Variants in MACROD2 observed in about 807,000 individuals in gnomAD.
MACROD2 encodes ADP-ribose glycohydrolase MACROD2.
MACROD2 carries 36 observed loss-of-function variants against 70.4 expected under a neutral mutation model. That is an observed-to-expected ratio of 0.51 (90% CI 0.39 to 0.68). The LOEUF is 0.68. MACROD2 is among the 30% of genes least tolerant of loss of function. MACROD2 has a pLI of 0.00. For synonymous variants in MACROD2, 172 were observed against 178.8 expected, an observed-to-expected ratio of 0.96 and a Z score of 0.30; for missense variants, 496 against 538.4, an observed-to-expected ratio of 0.92 and a Z score of 0.78.
At chr20:14,814,118 A>G (rs2072746606) in intron 5 of MACROD2, among the ~76,000 whole-genome samples, 1 of 152,156 alleles carries the variant, frequency 6.6e-6, no homozygotes, top group African/African-American at 2.4e-5. Flanking sequence ...CTGCAGCCAC[A>G]GCAACTTTGT....
intron 3 of MACROD2, among the ~76,000 whole-genome samples, chr20:14,243,411 A>G (rs11698300): frequency 0.2 from 30,722 of 152,130 alleles, 3,388 homozygotes; most frequent in South Asian, 0.32. Context: ...GGTTAATTTG[A>G]TTGAAAATAT....
intron 8 of MACROD2, among the ~76,000 whole-genome samples, chr20:15,755,116 C>T (rs2051329503): frequency 6.6e-6 from 1 of 152,148 alleles, no homozygotes; most frequent in Non-Finnish European, 1.5e-5. Flanking sequence ...GCATCGGCCT[C>T]CCAAAGTGCT....
chr20:14,838,397 G>A (rs1475825854), intron 5 of MACROD2, among the ~76,000 whole-genome samples: 1 of 152,068 alleles, frequency 6.6e-6, no homozygotes, highest in African/African-American at 2.4e-5. Context: ...TTGAAAGTCA[G>A]ACTAATCTGA....
intron 7 of MACROD2, among the ~76,000 whole-genome samples, chr20:15,466,969 A>C (rs530108712): frequency 6.6e-6 from 1 of 152,322 alleles, no homozygotes; most frequent in South Asian, 2.1e-4. Context: ...TTGCAAATGC[A>C]CTGGGTGCTG....
At chr20:14,127,255 C>T (rs1255325307) in intron 3 of MACROD2, 2 of 229,464 alleles carry the variant, frequency 8.7e-6, no homozygotes, top group African/African-American at 4.5e-5. Flanking sequence ...ATGCCATAGC[C>T]TAATTGTAAG....
At chr20:14,535,950 A>T (rs2085358849) in intron 4 of MACROD2, among the ~76,000 whole-genome samples, 1 of 152,196 alleles carries the variant, frequency 6.6e-6, no homozygotes, top group Non-Finnish European at 1.5e-5. Context: ...TTGTTTACTT[A>T]TTAGAATCTA....
At chr20:14,714,439 T>G (rs2123669551) in intron 5 of MACROD2, among the ~76,000 whole-genome samples, 1 of 152,264 alleles carries the variant, frequency 6.6e-6, no homozygotes, top group East Asian at 1.9e-4. Flanking sequence ...TTACAAAACA[T>G]AAATTATTGT....
At position 14,632,601 on chromosome 20, in the gene MACROD2, C is replaced by T. The variant is rs1018786284; in HGVS notation, c.302-52242C>T. 4.6e-5 allele frequency among the ~76,000 whole-genome samples: 7 copies of T among 152,202 alleles called. No individual in the cohort carries two copies. The East Asian group carries it at 7.7e-4, about 17-fold the overall frequency. ...TTGATAGTATCTCAATACCAACCTG[C>T]TATTGTTAATTTGTGACATTCCTTA... On this transcript the variant is annotated intron_variant, in intron 4 of 17. Transcript: ENST00000684519.
rs1219172375 is a variant in MACROD2 at position 16,051,835 on chromosome 20, TAC to T, written c.*1961_*1962del. 6.6e-6 allele frequency: 1 copy of T among 152,188 alleles called. No individual in the cohort carries two copies. Among genetic ancestry groups the T allele is most frequent in the African/African-American group, 2.4e-5 (1 of 41,446 alleles). The allele number at this position is 152,188 out of a possible 1,614,324, so 9.4% of individuals were successfully genotyped here. A position where few individuals can be genotyped will look rare whatever the true frequency, so the allele number is the denominator to read the frequency against. ...GTGCTACTTAGCCTCAGTAATGAGT[TAC>T]AGTTGAAAAAAACATGAGGGAAACA... On this transcript the variant is annotated 3_prime_UTR_variant, in exon 18 of 18. Transcript: ENST00000684519.
At chr20:14,331,061 A>G (rs540385030) in intron 3 of MACROD2, among the ~76,000 whole-genome samples, 79 of 152,230 alleles carry the variant, frequency 5.2e-4, no homozygotes, top group Non-Finnish European at 9.0e-4. Flanking sequence ...CCAAGAGTCA[A>G]GCATTTCTGA....
intron 7 of MACROD2, among the ~76,000 whole-genome samples, chr20:15,471,485 GAGACAGTAACTT>G (rs923179611): frequency 6.6e-6 from 1 of 152,192 alleles, no homozygotes; most frequent in Non-Finnish European, 1.5e-5. Context: ...CTCTGGGACT[GAGACAGTAACTT>G]ACACAGAACT....
At chr20:15,102,718 T>G (rs1390847206) in intron 5 of MACROD2, among the ~76,000 whole-genome samples, 2 of 107,982 alleles carry the variant, frequency 1.9e-5, no homozygotes, top group African/African-American at 3.4e-5. Context: ...AAAAGCACTA[T>G]TGTAGATAAA....
At chr20:15,184,203 C>T (rs2145906019) in intron 5 of MACROD2, among the ~76,000 whole-genome samples, 1 of 152,322 alleles carries the variant, frequency 6.6e-6, no homozygotes, top group Non-Finnish European at 1.5e-5. Flanking sequence ...CATGAGCTTA[C>T]TGCCCCTGCT....
In MACROD2 at chr20:14,684,715, G is replaced by A; in HGVS notation, c.302-128G>A. ...TAGTGTTTGAAACATTGGACACCCT[G>A]GGTTTTCTTCCACGGGCTATGGTTA... On this transcript the variant is annotated intron_variant, in intron 4 of 17. Coordinates refer to ENST00000684519, the MANE Select transcript of MACROD2 (RefSeq NM_001351661.2). 3 of 631,002 alleles carry A rather than the reference G, an allele frequency of 4.8e-6. No individual in the cohort carries two copies. In the South Asian group the frequency reaches 5.5e-5, roughly 11 times the overall value. The allele number at this position is 631,002 out of a possible 1,614,324, so 39.1% of individuals were successfully genotyped here. A position where few individuals can be genotyped will look rare whatever the true frequency, so the allele number is the denominator to read the frequency against.
intron 3 of MACROD2, among the ~76,000 whole-genome samples, chr20:14,412,050 C>G (rs1278087418): frequency 1.3e-5 from 2 of 152,156 alleles, no homozygotes; most frequent in Non-Finnish European, 2.9e-5. Context: ...TTCCCCAAAA[C>G]AAAATAGCAG....
chr20:14,538,562 C>T (rs2085394567), intron 4 of MACROD2, among the ~76,000 whole-genome samples: 1 of 152,190 alleles, frequency 6.6e-6, no homozygotes, highest in South Asian at 2.1e-4. Flanking sequence ...TCTTGCCTGT[C>T]TTCTAGTCTT....
At chr20:15,070,103 C>T (rs1456830363) in intron 5 of MACROD2, among the ~76,000 whole-genome samples, 1 of 152,172 alleles carries the variant, frequency 6.6e-6, no homozygotes, top group Non-Finnish European at 1.5e-5. Context: ...ACCCCTCACA[C>T]CAGTGTGCTT....
intron 5 of MACROD2, among the ~76,000 whole-genome samples, chr20:15,145,968 T>G (rs2076227329): frequency 6.6e-6 from 1 of 152,098 alleles, no homozygotes. Context: ...ATAGTATAAA[T>G]ATGTACAAAT....
At chr20:14,477,376 A>G (rs1248295861) in intron 3 of MACROD2, among the ~76,000 whole-genome samples, 2 of 152,206 alleles carry the variant, frequency 1.3e-5, no homozygotes. Context: ...TCTCAAGGCT[A>G]GCACAACACT....
Sources: gnomAD v4.1 joint callset for allele counts (sites outside exome capture counted in the v4.1 genomes callset) on GRCh38, gnomAD v4.1.1 for gene constraint, MANE v1.5 for transcripts, NCBI Gene and HGNC (gene_info 2026-07-23, HGNC 2026-07-21) for gene names.